NAV3: variants seen among roughly 807,000 people sequenced by gnomAD.
NAV3 encodes the protein pore membrane and/or filament interacting like protein 1.
In NAV3, 87 loss-of-function variants were observed where a neutral mutation model predicts 244.7. The ratio of observed to expected loss-of-function variants is 0.36; its 90% CI spans 0.30 to 0.42. The LOEUF (loss-of-function observed/expected upper bound fraction) is 0.42. Among genes scored for constraint, NAV3 ranks in the 20% least tolerant of loss-of-function variants. The pLI, the probability that NAV3 is intolerant of heterozygous loss-of-function variation, is 1.00. For missense variants in NAV3, 2,663 were observed against 2,893.3 expected, an observed-to-expected ratio of 0.92 and a Z score of 1.83; for synonymous variants, 1,126 against 1,042.2, an observed-to-expected ratio of 1.08 and a Z score of -1.55.
chr12:78,126,257 A>G lies in NAV3; in HGVS notation c.4239-910A>G, dbSNP rs954567086. Among the ~76,000 whole-genome samples the G allele has an allele frequency of 7.9e-5, 12 of 152,330 alleles. No individual in the cohort carries two copies. The South Asian group carries it at 1.4e-3, about 18-fold the overall frequency. On this transcript the variant is annotated intron_variant, in intron 16 of 39. Transcript: ENST00000397909. The stretch of plus-strand genomic sequence containing the variant: ...GGTTTGAGTGATCAAATTTTAGGTC[A>G]GCCTTTTTACATTCATGTTATATCA...
chr12:77,760,375 T>C (rs1427575103), intron 2 of NAV3, among the ~76,000 whole-genome samples: 3 of 152,194 alleles, frequency 2.0e-5, no homozygotes, highest in Non-Finnish European at 4.4e-5. Flanking sequence ...TGCAAGTTTG[T>C]TTTGGAGACA....
chr12:78,148,495 A>G (rs960967744), intron 21 of NAV3, among the ~76,000 whole-genome samples: 1 of 152,142 alleles, frequency 6.6e-6, no homozygotes, highest in African/African-American at 2.4e-5. Flanking sequence ...CAGTTTTTAT[A>G]AAGAAAATAT....
intron 16 of NAV3, among the ~76,000 whole-genome samples, chr12:78,125,051 C>G (rs1288827723): frequency 2.0e-5 from 3 of 152,066 alleles, no homozygotes; most frequent in African/African-American, 7.2e-5. Context: ...GCAAATTGCT[C>G]TAATCCTTTC....
chr12:78,142,172 T>A (rs427713), intron 20 of NAV3, among the ~76,000 whole-genome samples: 1 of 151,962 alleles, frequency 6.6e-6, no homozygotes, highest in Admixed American at 6.6e-5. Context: ...TCCACTTTCC[T>A]AGATTTGATC....
At chr12:77,838,802 A>C (rs1875112273) in intron 1 of NAV3, among the ~76,000 whole-genome samples, 1 of 152,214 alleles carries the variant, frequency 6.6e-6, no homozygotes, top group African/African-American at 2.4e-5. Flanking sequence ...TTTTGAATTA[A>C]ACTTATGCTA....
intron 2 of NAV3, among the ~76,000 whole-genome samples, chr12:77,662,263 A>ATC (rs770544048): frequency 6.6e-6 from 1 of 151,032 alleles, no homozygotes; most frequent in South Asian, 2.1e-4. Flanking sequence ...CTATCTATCT[A>ATC]TATCTCACCT....
intron 36 of NAV3, chr12:78,199,044 A>G: frequency 1.8e-6 from 1 of 561,376 alleles, no homozygotes; most frequent in South Asian, 1.6e-5. Flanking sequence ...TTGCTATTTC[A>G]GGATTTGTGA....
At chr12:77,748,950 A>G (rs757930430) in intron 2 of NAV3, among the ~76,000 whole-genome samples, 12 of 152,202 alleles carry the variant, frequency 7.9e-5, no homozygotes, top group Non-Finnish European at 8.8e-5. Flanking sequence ...CACAATATAT[A>G]TGTGAATTAA....
At chr12:77,919,500 T>C (rs2137149988) in intron 1 of NAV3, among the ~76,000 whole-genome samples, 1 of 152,186 alleles carries the variant, frequency 6.6e-6, no homozygotes, top group African/African-American at 2.4e-5. Flanking sequence ...GAAAGGAAGA[T>C]ACCATGTCAC....
intron 9 of NAV3, among the ~76,000 whole-genome samples, chr12:78,049,013 C>T (rs559517322): frequency 1.2e-4 from 18 of 152,314 alleles, no homozygotes; most frequent in African/African-American, 4.3e-4. Flanking sequence ...GGTTTGTTTA[C>T]ATTGTGAGGG....
chr12:78,172,240 G>T (rs76504426), intron 24 of NAV3, among the ~76,000 whole-genome samples: 2 of 151,512 alleles, frequency 1.3e-5, no homozygotes, highest in South Asian at 4.1e-4. Flanking sequence ...GTTGGATAAC[G>T]CATGTATTAA....
At chr12:77,679,079 T>A (rs1291876251) in intron 2 of NAV3, among the ~76,000 whole-genome samples, 6 of 152,218 alleles carry the variant, frequency 3.9e-5, no homozygotes, top group South Asian at 4.1e-4. Flanking sequence ...TTAGGCATAG[T>A]CTACATTAGT....
chr12:78,020,151 A>G (rs778504756), intron 8 of NAV3, among the ~76,000 whole-genome samples: 2 of 152,164 alleles, frequency 1.3e-5, no homozygotes, highest in Non-Finnish European at 2.9e-5. Flanking sequence ...TACTACCCAG[A>G]ACCACAACAT....
At chr12:78,134,492 G>T (rs1271740889) in intron 18 of NAV3, among the ~76,000 whole-genome samples, 1 of 152,134 alleles carries the variant, frequency 6.6e-6, no homozygotes, top group Admixed American at 6.6e-5. Flanking sequence ...GTCAAAGTTA[G>T]ATTGCATATG....
At chr12:77,742,545 A>G (rs750748061) in intron 2 of NAV3, among the ~76,000 whole-genome samples, 1 of 152,144 alleles carries the variant, frequency 6.6e-6, no homozygotes, top group Non-Finnish European at 1.5e-5. Flanking sequence ...TCATAAATGT[A>G]TAAAATATAT....
At chr12:77,748,072 T>A (rs9634204) in intron 2 of NAV3, among the ~76,000 whole-genome samples, 4,689 of 152,322 alleles carry the variant, frequency 0.031, 244 homozygotes, top group African/African-American at 0.1. Context: ...TAAGTCTTAA[T>A]AATTATGTTT....
chr12:77,921,896 A>G (rs1034977650), intron 1 of NAV3, among the ~76,000 whole-genome samples: 1 of 152,142 alleles, frequency 6.6e-6, no homozygotes, highest in Admixed American at 6.6e-5. Flanking sequence ...CTGAGCTTCA[A>G]TTGTTTCACG....
chr12:77,579,836 TG>T (rs1435201080), intron 2 of NAV3, among the ~76,000 whole-genome samples: 3 of 152,220 alleles, frequency 2.0e-5, no homozygotes, highest in Non-Finnish European at 4.4e-5. Context: ...CACTTGATTT[TG>T]GTTCTCGAAT....
At chr12:77,875,273 T>G (rs781667553) in intron 1 of NAV3, among the ~76,000 whole-genome samples, 2 of 152,102 alleles carry the variant, frequency 1.3e-5, no homozygotes, top group Non-Finnish European at 2.9e-5. Flanking sequence ...TACCTAACAT[T>G]CCTTATTCCT....
Sources: allele counts gnomAD v4.1 joint callset (sites outside exome capture counted in the v4.1 genomes callset), GRCh38; gene constraint gnomAD v4.1.1; transcripts MANE v1.5; gene names NCBI Gene and HGNC (gene_info 2026-07-23, HGNC 2026-07-21).